Variants in SPTLC1 observed in about 807,000 individuals in gnomAD.
SPTLC1 encodes serine palmitoyltransferase long chain base subunit 1.
SPTLC1 carries 55 observed loss-of-function variants against 68.9 expected under a neutral mutation model. The observed-to-expected ratio is 0.80, with a 90% confidence interval of 0.64 to 1.00. The LOEUF (loss-of-function observed/expected upper bound fraction) is 1.00. Ranked by LOEUF, SPTLC1 falls within the 50% of genes least tolerant of loss-of-function variation. The pLI, the probability that SPTLC1 is intolerant of heterozygous loss-of-function variation, is 0.00. For synonymous variants in SPTLC1, 197 were observed against 201.6 expected, an observed-to-expected ratio of 0.98 and a Z score of 0.19; for missense variants, 449 against 573.1, an observed-to-expected ratio of 0.78 and a Z score of 2.21.
chr9:92,066,297 A>C (rs563004221), intron 6 of SPTLC1, among the ~76,000 whole-genome samples: 3 of 152,302 alleles, frequency 2.0e-5, no homozygotes, highest in African/African-American at 7.2e-5. Flanking sequence ...AGGCAGTTTG[A>C]GTGCTCGTGT....
chr9:92,032,962 T>C (rs1040993009), intron 14 of SPTLC1, among the ~76,000 whole-genome samples: 2 of 152,130 alleles, frequency 1.3e-5, no homozygotes, highest in African/African-American at 4.8e-5. Context: ...CAACCATATA[T>C]GGCCTGAGAG....
At position 92,081,774 on chromosome 9, in the gene SPTLC1, T is replaced by TGA. The variant is rs568618010; in HGVS notation, c.261-813_261-812dup. Among the ~76,000 whole-genome samples, 208 of 152,134 alleles carry TGA rather than the reference T, an allele frequency of 1.4e-3. 1 individual carries two copies. Among genetic ancestry groups the TGA allele is most frequent in the African/African-American group, 3.8e-3 (157 of 41,496 alleles). On this transcript the variant is annotated intron_variant, in intron 3 of 14. Coordinates refer to ENST00000262554, the MANE Select transcript of SPTLC1 (RefSeq NM_006415.4). ...AAAATATCAGAACCATGGCACAGGG[T>TGA]GAGTGATGGGACTATGTATCTGTAC...
At chr9:92,066,191 A>G (rs1261870939) in intron 6 of SPTLC1, among the ~76,000 whole-genome samples, 1 of 152,218 alleles carries the variant, frequency 6.6e-6, no homozygotes, top group African/African-American at 2.4e-5. Context: ...AGAAAAGTAC[A>G]GTAAGTATGA....
intron 12 of SPTLC1, among the ~76,000 whole-genome samples, chr9:92,043,876 C>T (rs1256921722): frequency 6.6e-6 from 1 of 152,202 alleles, no homozygotes; most frequent in Non-Finnish European, 1.5e-5. Context: ...TGCCAATGTC[C>T]TCATCACGGC....
At chr9:92,035,712 G>A (rs534937903) in intron 13 of SPTLC1, among the ~76,000 whole-genome samples, 6 of 152,176 alleles carry the variant, frequency 3.9e-5, no homozygotes, top group Non-Finnish European at 7.3e-5. Flanking sequence ...GCAGTGTAAA[G>A]GAAAGAACAA....
At chr9:92,047,760 G>A (rs1431149604) in intron 9 of SPTLC1, 52 bp from the exon 10 acceptor site, 1 of 1,323,664 alleles carries the variant, frequency 7.6e-7, no homozygotes, top group Admixed American at 1.8e-5. Flanking sequence ...GAAAAAAAAG[G>A]CCAACTTCAA....
At chr9:92,034,750 G>A (rs988071212) in intron 14 of SPTLC1, 60 bp downstream of exon 14, 4 of 1,414,784 alleles carry the variant, frequency 2.8e-6, no homozygotes, top group Non-Finnish European at 4.0e-6. Flanking sequence ...AAAAGATAAC[G>A]TATTTCATAG....
In SPTLC1 at chr9:92,080,765, C is replaced by G. The variant is rs1017224109; in HGVS notation, c.354+105G>C. The G allele has an allele frequency of 3.3e-6, 3 of 905,518 alleles. No individual in the cohort carries two copies. In the African/African-American group the frequency reaches 5.0e-5, roughly 15 times the overall value. The allele number at this position is 905,518 out of a possible 1,614,324, so 56.1% of individuals were successfully genotyped here. A position where few individuals can be genotyped will look rare whatever the true frequency, so the allele number is the denominator to read the frequency against. ...ATGTTGGCCAGGCTGGTCTTAAACT[C>G]CTGACCTGAAGTGATCCACCACGCC... On this transcript the variant is annotated intron_variant, in intron 4 of 14. Transcript: ENST00000262554.
rs200378153 is a variant in SPTLC1 at position 92,066,690 on chromosome 9, AT to A, written c.560+1275del. 1.2e-3 allele frequency among the ~76,000 whole-genome samples: 178 copies of A among 152,338 alleles called. 2 individuals carry two copies. The East Asian group carries it at 0.02, about 18-fold the overall frequency. On this transcript the variant is annotated intron_variant, in intron 6 of 14. Transcript: ENST00000262554. ...TAAAATGTGACAAAATAGGATTTACATTTTAAAAAGATTACTCTGGCTGTGA... is the reference window on the plus strand; with the variant it reads ...TAAAATGTGACAAAATAGGATTTACATTTAAAAAGATTACTCTGGCTGTGA...
At chr9:92,088,726 G>C (rs1835249679) in intron 3 of SPTLC1, among the ~76,000 whole-genome samples, 1 of 152,222 alleles carries the variant, frequency 6.6e-6, no homozygotes, top group Non-Finnish European at 1.5e-5. Context: ...AGCATGATGT[G>C]ATGTAGGGAT....
chr9:92,072,908 G>A (rs1265255094), intron 5 of SPTLC1, among the ~76,000 whole-genome samples: 4 of 151,736 alleles, frequency 2.6e-5, no homozygotes, highest in African/African-American at 9.7e-5. Context: ...TTCTTCCACT[G>A]GGGATGCTGA....
chr9:92,068,276 C>A (rs988020853), intron 5 of SPTLC1, among the ~76,000 whole-genome samples, 178 bp from the exon 6 acceptor site: 1 of 152,188 alleles, frequency 6.6e-6, no homozygotes, highest in Admixed American at 6.5e-5. Flanking sequence ...TAGGCCCATA[C>A]AACTTCTAAA....
At chr9:92,090,383 G>T (rs1835312565) in intron 3 of SPTLC1, among the ~76,000 whole-genome samples, 1 of 152,080 alleles carries the variant, frequency 6.6e-6, no homozygotes, top group Admixed American at 6.5e-5. Flanking sequence ...CCAAAGCAGG[G>T]GGATCACTTG....
At chr9:92,114,971 T>C in intron 1 of SPTLC1, 1 of 407,992 alleles carries the variant, frequency 2.5e-6, no homozygotes, top group South Asian at 2.5e-5. Flanking sequence ...ACGAAGGTGT[T>C]CCACTCATTT....
chr9:92,094,173 T>C (rs1407924757), intron 3 of SPTLC1, among the ~76,000 whole-genome samples: 1 of 152,134 alleles, frequency 6.6e-6, no homozygotes, highest in Non-Finnish European at 1.5e-5. Flanking sequence ...TCTGACCAAG[T>C]CAAAATTAAG....
rs539479430 is a variant in SPTLC1, at chr9:92,080,464, G to A, written c.355-376C>T. Reference sequence around the variant, plus strand: ...ACATAAGAGACTCTTGCCTCTCTCTGTCTAGGTCCCGCTCACAACTCTGTC... The same window carrying A: ...ACATAAGAGACTCTTGCCTCTCTCTATCTAGGTCCCGCTCACAACTCTGTC... On this transcript the variant is annotated intron_variant, in intron 4 of 14. Transcript: ENST00000262554. Among the ~76,000 whole-genome samples the A allele has an allele frequency of 1.6e-4, 24 of 152,324 alleles. 1 individual carries two copies. Among genetic ancestry groups the A allele is most frequent in the Middle Eastern group, 6.8e-3 (2 of 294 alleles).
At position 92,059,236 on chromosome 9, in the gene SPTLC1, A is replaced by G. The variant is rs1476764711; in HGVS notation, c.633T>C (p.His211=). The G allele has an allele frequency of 2.5e-6, 4 of 1,614,074 alleles. No individual in the cohort carries two copies. Among genetic ancestry groups the G allele is most frequent in the Non-Finnish European group, 2.5e-6 (3 of 1,179,980 alleles). The part of the protein sequence containing the change: ...ASRSDIKLFK[H]NDMADLERLL... ...GTCGCTCGAGGTCAGCCATGTCATT[A>G]TGCTTAAATAACTTAATGTCACTAC... Residue 211 remains histidine, a synonymous_variant, in exon 7 of 15, where the codon CAT becomes CAC. Coordinates refer to ENST00000262554, the MANE Select transcript of SPTLC1 (RefSeq NM_006415.4).
intron 14 of SPTLC1, among the ~76,000 whole-genome samples, chr9:92,033,525 C>A (rs1006165161): frequency 6.6e-6 from 1 of 152,196 alleles, no homozygotes; most frequent in Non-Finnish European, 1.5e-5. Context: ...CACCTACGGT[C>A]TTACTAACAA....
intron 6 of SPTLC1, among the ~76,000 whole-genome samples, chr9:92,066,568 C>A (rs898920706): frequency 1.3e-5 from 2 of 152,102 alleles, no homozygotes; most frequent in East Asian, 1.9e-4. Flanking sequence ...GAAAATGGTA[C>A]AAAATCAGCC....
Sources: allele counts gnomAD v4.1 joint callset (sites outside exome capture counted in the v4.1 genomes callset), GRCh38; gene constraint gnomAD v4.1.1; transcripts MANE v1.5; gene names NCBI Gene and HGNC (gene_info 2026-07-23, HGNC 2026-07-21).